POU6F2: variants seen among roughly 807,000 people sequenced by gnomAD.
The protein encoded by POU6F2 is POU domain, class 6, transcription factor 2.
In POU6F2, 31 loss-of-function variants were observed where a neutral mutation model predicts 71.3. The ratio of observed to expected loss-of-function variants is 0.43; its 90% CI spans 0.33 to 0.59. POU6F2 has a LOEUF of 0.59. Ranked by LOEUF, POU6F2 falls within the 20% of genes least tolerant of loss-of-function variation. The pLI is 0.04. For synonymous variants in POU6F2, 347 were observed against 355.7 expected, an observed-to-expected ratio of 0.98 and a Z score of 0.27; for missense variants, 783 against 856.8, an observed-to-expected ratio of 0.91 and a Z score of 1.07.
chr7:38,990,371 A>G (rs1387256412), intron 1 of POU6F2, among the ~76,000 whole-genome samples: 3 of 152,074 alleles, frequency 2.0e-5, no homozygotes, highest in Admixed American at 6.6e-5. Context: ...CTGGAGATGG[A>G]GTGGGGCTGA....
chr7:39,367,941 C>T (rs1786536359), intron 5 of POU6F2, among the ~76,000 whole-genome samples: 1 of 152,102 alleles, frequency 6.6e-6, no homozygotes. Flanking sequence ...CAAATTTAAT[C>T]GATAAATGTT....
At chr7:39,348,603 T>C (rs1300312989) in intron 5 of POU6F2, among the ~76,000 whole-genome samples, 1 of 152,226 alleles carries the variant, frequency 6.6e-6, no homozygotes, top group East Asian at 1.9e-4. Flanking sequence ...TCTGTCTGAC[T>C]TCAAAGTGTC....
chr7:39,020,778 A>AT (rs11295540), intron 1 of POU6F2, among the ~76,000 whole-genome samples: 46 of 148,694 alleles, frequency 3.1e-4, no homozygotes, highest in Admixed American at 6.0e-4. Context: ...TCTAGGTTAG[A>AT]TTTTTTTTTT....
rs1422928824 is a variant in POU6F2, at chr7:39,006,910, C to G, written c.105+28852C>G. On this transcript the variant is annotated intron_variant, in intron 1 of 9. Coordinates refer to ENST00000518318, the MANE Select transcript of POU6F2 (RefSeq NM_001370959.1). ...CAGAATGCCTACCAATAGGAAATTTCCACAAATTTATAATCTGTGAGTTTA... is the reference window on the plus strand; with the variant it reads ...CAGAATGCCTACCAATAGGAAATTTGCACAAATTTATAATCTGTGAGTTTA... 6 of 1,587,082 alleles carry G rather than the reference C, an allele frequency of 3.8e-6. 1 individual carries two copies. The South Asian group carries it at 6.7e-5, about 18-fold the overall frequency.
intron 2 of POU6F2, among the ~76,000 whole-genome samples, chr7:39,118,238 T>C (rs1384257625): frequency 1.3e-5 from 2 of 152,162 alleles, no homozygotes; most frequent in Non-Finnish European, 2.9e-5. Context: ...CACCTATGCA[T>C]ACAGAGCATC....
intron 1 of POU6F2, 79 bp from the exon 2 acceptor site, chr7:39,085,781 G>A (rs1791227266): frequency 2.9e-6 from 4 of 1,388,490 alleles, no homozygotes; most frequent in Admixed American, 3.8e-5. Context: ...AGAAGAGAGA[G>A]GGAGAGGGAG....
intron 2 of POU6F2, among the ~76,000 whole-genome samples, chr7:39,199,275 C>T (rs1255841166): frequency 1.3e-5 from 2 of 152,176 alleles, no homozygotes; most frequent in Non-Finnish European, 2.9e-5. Flanking sequence ...CCGTCATATC[C>T]TCTTTGCAAA....
intron 4 of POU6F2, among the ~76,000 whole-genome samples, chr7:39,292,535 C>T (rs374294110): frequency 2.0e-5 from 3 of 152,284 alleles, no homozygotes; most frequent in East Asian, 1.9e-4. Flanking sequence ...CGAGAGGAAA[C>T]ACCTTAGGAA....
At chr7:39,048,716 G>A (rs564918429) in intron 1 of POU6F2, among the ~76,000 whole-genome samples, 1 of 152,028 alleles carries the variant, frequency 6.6e-6, no homozygotes, top group Non-Finnish European at 1.5e-5. Context: ...TGGGATTGCT[G>A]GGTTTCATGG....
At chr7:39,383,340 T>C (rs2115803062) in intron 5 of POU6F2, among the ~76,000 whole-genome samples, 1 of 152,296 alleles carries the variant, frequency 6.6e-6, no homozygotes, top group Non-Finnish European at 1.5e-5. Context: ...TTCATGCCTC[T>C]AGGAACCCCA....
At chr7:39,260,913 CATATT>C (rs1482620326) in intron 4 of POU6F2, among the ~76,000 whole-genome samples, 1 of 151,672 alleles carries the variant, frequency 6.6e-6, no homozygotes, top group African/African-American at 2.4e-5. Flanking sequence ...ACATATATAT[CATATT>C]ATACACATCT....
chr7:39,464,092 G>A lies in POU6F2; in HGVS notation c.1659-90G>A, dbSNP rs1171837880. ...CTGGCTATTAACCTGCAGTAAATTC[G>A]CCCTGCCAGGCAGTCAGGCAGGCAG... On this transcript the variant is annotated intron_variant, in intron 9 of 9. Coordinates refer to ENST00000518318, the MANE Select transcript of POU6F2 (RefSeq NM_001370959.1). The surrounding 1 kb of genome is among the most constrained non-coding windows in gnomAD (Gnocchi z 4.1). 61 of 1,478,342 alleles carry A rather than the reference G, an allele frequency of 4.1e-5. No individual in the cohort carries two copies. Among genetic ancestry groups the A allele is most frequent in the South Asian group, 3.9e-4 (30 of 76,088 alleles). 91.6% of individuals were successfully genotyped at this position (1,478,342 alleles called of 1,614,324 possible).
At chr7:39,100,839 T>C (rs1791555125) in intron 2 of POU6F2, among the ~76,000 whole-genome samples, 1 of 152,136 alleles carries the variant, frequency 6.6e-6, no homozygotes, top group African/African-American at 2.4e-5. Flanking sequence ...TCCACTTGGC[T>C]GCACCCCTGA....
intron 2 of POU6F2, among the ~76,000 whole-genome samples, chr7:39,180,250 A>G (rs954077604): frequency 1.3e-5 from 2 of 152,190 alleles, no homozygotes; most frequent in Non-Finnish European, 2.9e-5. Flanking sequence ...TTCTCAGCGG[A>G]GGGTCTATTC....
intron 2 of POU6F2, among the ~76,000 whole-genome samples, chr7:39,174,809 G>A (rs962442549): frequency 1.3e-5 from 2 of 152,048 alleles, no homozygotes; most frequent in Non-Finnish European, 2.9e-5. Context: ...TCTCTTCTCT[G>A]TCATAGCCTG....
chr7:39,379,583 C>T (rs927125155), intron 5 of POU6F2, among the ~76,000 whole-genome samples: 2 of 152,136 alleles, frequency 1.3e-5, no homozygotes, highest in African/African-American at 4.8e-5. Context: ...TACTAAATGC[C>T]CTTTAGGTAA....
intron 4 of POU6F2, among the ~76,000 whole-genome samples, chr7:39,214,666 T>G (rs558520261): frequency 5.9e-5 from 9 of 152,366 alleles, no homozygotes; most frequent in Non-Finnish European, 1.3e-4. Context: ...AGTGCCTAGC[T>G]TACTTGTAAA....
chr7:39,191,542 C>T (rs1028133451), intron 2 of POU6F2, among the ~76,000 whole-genome samples: 3 of 152,082 alleles, frequency 2.0e-5, no homozygotes, highest in East Asian at 1.9e-4. Context: ...TGAGCTCTGA[C>T]ACAGACCCAA....
intron 1 of POU6F2, among the ~76,000 whole-genome samples, chr7:39,035,880 G>C (rs1454258213): frequency 6.6e-6 from 1 of 151,874 alleles, no homozygotes; most frequent in African/African-American, 2.4e-5. Context: ...AGTTCACACT[G>C]TCCGCCACAG....
Sources: allele counts gnomAD v4.1 joint callset (sites outside exome capture counted in the v4.1 genomes callset), GRCh38; gene constraint gnomAD v4.1.1; non-coding constraint Gnocchi (gnomAD v3.1); transcripts MANE v1.5; gene names NCBI Gene and HGNC (gene_info 2026-07-23, HGNC 2026-07-21).